The following CALN1 variants were observed in gnomAD, a reference collection of about 807,000 sequenced individuals.
CALN1 encodes the protein calcium-binding protein 8.
A neutral mutation model predicts 30.6 loss-of-function variants in CALN1; 17 were observed. The observed-to-expected ratio is 0.56, with a 90% CI of 0.38 to 0.83. The LOEUF is 0.83. CALN1 is among the 40% of genes least tolerant of loss of function. CALN1 has a pLI of 0.00. For missense variants in CALN1, 291 were observed against 354.9 expected, an observed-to-expected ratio of 0.82 and a Z score of 1.45; for synonymous variants, 156 against 131.4, an observed-to-expected ratio of 1.19 and a Z score of -1.28.
At chr7:72,034,974 T>C (rs1801703591) in intron 4 of CALN1, among the ~76,000 whole-genome samples, 1 of 152,046 alleles carries the variant, frequency 6.6e-6, no homozygotes, top group Non-Finnish European at 1.5e-5. Flanking sequence ...TGCATAAGTA[T>C]TTATATAAAA....
chr7:72,397,227 C>G (rs1199416519), intron 2 of CALN1, among the ~76,000 whole-genome samples: 1 of 152,056 alleles, frequency 6.6e-6, no homozygotes, highest in Non-Finnish European at 1.5e-5. Context: ...GGATTTTACC[C>G]CGGAGCACTC....
chr7:72,147,261 C>G (rs1786829081), intron 3 of CALN1, among the ~76,000 whole-genome samples: 1 of 152,038 alleles, frequency 6.6e-6, no homozygotes, highest in Non-Finnish European at 1.5e-5. Context: ...AGAACTCAAA[C>G]AAATTTACAA....
chr7:72,437,342 G>A (rs1486674516), intron 1 of CALN1, among the ~76,000 whole-genome samples: 1 of 152,096 alleles, frequency 6.6e-6, no homozygotes, highest in African/African-American at 2.4e-5. Context: ...TGACATTCTG[G>A]GACTGATGGC....
intron 3 of CALN1, among the ~76,000 whole-genome samples, chr7:72,263,412 T>C (rs995702325): frequency 2.6e-5 from 4 of 152,126 alleles, no homozygotes; most frequent in Non-Finnish European, 2.9e-5. Context: ...TTTTATTTTT[T>C]TTAACCAGGG....
At chr7:71,937,067 G>T (rs919867541) in intron 5 of CALN1, among the ~76,000 whole-genome samples, 2 of 152,108 alleles carry the variant, frequency 1.3e-5, no homozygotes, top group African/African-American at 4.8e-5. Flanking sequence ...GCATGAAAAT[G>T]GACTAATACA....
At chr7:71,917,658 G>T (rs187509493) in intron 5 of CALN1, among the ~76,000 whole-genome samples, 16 of 152,206 alleles carry the variant, frequency 1.1e-4, no homozygotes, top group African/African-American at 3.6e-4. Flanking sequence ...GAGTGCAAGT[G>T]GGGGGAGGAA....
At chr7:72,386,512 T>G (rs980293286) in intron 2 of CALN1, among the ~76,000 whole-genome samples, 1 of 152,128 alleles carries the variant, frequency 6.6e-6, no homozygotes, top group African/African-American at 2.4e-5. Context: ...AACAAGCAAA[T>G]AAATGGTGGA....
In CALN1 at chr7:71,907,956, G is replaced by A. The variant is rs1794230948; in HGVS notation, c.502-97464C>T. 2.0e-5 allele frequency among the ~76,000 whole-genome samples: 3 copies of A among 152,242 alleles called. No homozygotes were observed. The South Asian group carries it at 6.2e-4, about 31-fold the overall frequency. On this transcript the variant is annotated intron_variant, in intron 5 of 6. Coordinates refer to ENST00000395275, the MANE Select transcript of CALN1 (RefSeq NM_031468.4). Reference sequence around the variant, plus strand: ...TGTGTATGCATATGCGTGTGTGCGCGTGGACATGGGGGCAACGTTGAAACA... The same window carrying A: ...TGTGTATGCATATGCGTGTGTGCGCATGGACATGGGGGCAACGTTGAAACA...
intron 3 of CALN1, among the ~76,000 whole-genome samples, chr7:72,252,571 T>G (rs1795631890): frequency 6.7e-6 from 1 of 148,742 alleles, no homozygotes; most frequent in East Asian, 2.0e-4. Context: ...ATCACACCAC[T>G]GCACTCCAGC....
intron 5 of CALN1, among the ~76,000 whole-genome samples, chr7:71,923,681 A>G (rs1326851639): frequency 1.3e-5 from 2 of 152,162 alleles, no homozygotes; most frequent in Non-Finnish European, 2.9e-5. Context: ...TAACATTCTC[A>G]TGTAATTTTC....
intron 4 of CALN1, among the ~76,000 whole-genome samples, chr7:72,105,669 C>T (rs951445054): frequency 6.7e-6 from 1 of 150,310 alleles, no homozygotes; most frequent in Non-Finnish European, 1.5e-5. Flanking sequence ...GAATTGTGCA[C>T]TTTAAATGTG....
intron 3 of CALN1, among the ~76,000 whole-genome samples, chr7:72,212,589 A>G (rs1293706951): frequency 7.1e-6 from 1 of 140,154 alleles, no homozygotes; most frequent in Non-Finnish European, 1.5e-5. Flanking sequence ...GGAGGCTGAC[A>G]GGATTGCTTG....
chr7:72,315,957 G>C (rs138909322), intron 2 of CALN1, among the ~76,000 whole-genome samples: 2,244 of 151,906 alleles, frequency 0.015, 24 homozygotes, highest in African/African-American at 0.028. Flanking sequence ...GACCAGCCTG[G>C]CCAACATGGT....
chr7:72,103,497 T>C lies in CALN1; in HGVS notation c.388+2654A>G, dbSNP rs141073466. Among the ~76,000 whole-genome samples the C allele has an allele frequency of 4.2e-3, 644 of 152,238 alleles. 5 individuals are homozygous for C. The highest frequency in any genetic ancestry group is 0.014 in the African/African-American group (586 of 41,548). ...CAAGGACCAGATCTTACGGCTCTAC[T>C]TATGGGGCTACTTTGAAAGTGTTAA... On this transcript the variant is annotated intron_variant, in intron 4 of 6. Transcript: ENST00000395275.
intron 3 of CALN1, among the ~76,000 whole-genome samples, chr7:72,231,701 A>G (rs1794119654): frequency 6.6e-6 from 1 of 152,132 alleles, no homozygotes; most frequent in South Asian, 2.1e-4. Context: ...TACCTATAGG[A>G]AAAGATGTAC....
At chr7:71,862,833 G>C (rs1195995915) in intron 5 of CALN1, among the ~76,000 whole-genome samples, 1 of 152,156 alleles carries the variant, frequency 6.6e-6, no homozygotes, top group African/African-American at 2.4e-5. Flanking sequence ...ATCTACTAGT[G>C]GGCAGAAATT....
chr7:72,498,078 G>A, the CALN1 span, among the ~76,000 whole-genome samples: 1 of 152,040 alleles, frequency 6.6e-6, no homozygotes, highest in Non-Finnish European at 1.5e-5. Context: ...TGAATATGGG[G>A]GATGGGGAAA....
chr7:71,859,965 C>T (rs11765964), intron 5 of CALN1, among the ~76,000 whole-genome samples: 27,567 of 152,034 alleles, frequency 0.18, 2,839 homozygotes, highest in Non-Finnish European at 0.23. Flanking sequence ...CCTAATATCC[C>T]GATATCTTGA....
intron 5 of CALN1, among the ~76,000 whole-genome samples, chr7:71,983,783 C>T (rs1039454693): frequency 6.6e-6 from 1 of 152,128 alleles, no homozygotes; most frequent in Non-Finnish European, 1.5e-5. Flanking sequence ...CCACCCACCT[C>T]GGCCTCCCAA....
Sources: allele counts gnomAD v4.1 joint callset (sites outside exome capture counted in the v4.1 genomes callset), GRCh38; gene constraint gnomAD v4.1.1; transcripts MANE v1.5; gene names NCBI Gene and HGNC (gene_info 2026-07-23, HGNC 2026-07-21).